IPO7: variants seen among roughly 807,000 people sequenced by gnomAD.
The protein encoded by IPO7 is importin 7, also known as importin-7.
A neutral mutation model predicts 136.4 loss-of-function variants in IPO7; 13 were observed. The observed-to-expected ratio is 0.10, with a 90% CI of 0.06 to 0.15. The LOEUF (loss-of-function observed/expected upper bound fraction) is 0.15. Ranked by LOEUF, IPO7 falls within the 10% of genes least tolerant of loss-of-function variation. The probability of loss-of-function intolerance (pLI) is 1.00; values close to 1 mark genes in which losing one functional copy is unlikely to be tolerated. For synonymous variants in IPO7, 403 were observed against 404.4 expected, an observed-to-expected ratio of 1.00 and a Z score of 0.04; for missense variants, 857 against 1,240.6, an observed-to-expected ratio of 0.69 and a Z score of 4.65.
chr11:9,444,603 G>A (rs1370451700), intron 24 of IPO7, among the ~76,000 whole-genome samples: 1 of 151,738 alleles, frequency 6.6e-6, no homozygotes, highest in Non-Finnish European at 1.5e-5. Flanking sequence ...GACTCCTGAG[G>A]CGGATGGATC....
chr11:9,395,485 T>C (rs1854695278), intron 1 of IPO7, among the ~76,000 whole-genome samples: 1 of 152,126 alleles, frequency 6.6e-6, no homozygotes, highest in South Asian at 2.1e-4. Context: ...GTGATCTGCC[T>C]GCCTTGGCCT....
chr11:9,394,306 A>G (rs1439743729), intron 1 of IPO7, among the ~76,000 whole-genome samples: 1 of 152,138 alleles, frequency 6.6e-6, no homozygotes, highest in Non-Finnish European at 1.5e-5. Context: ...GGGTGGCCAT[A>G]TTGGGAAATT....
chr11:9,434,082 C>T (rs958786221), intron 18 of IPO7, among the ~76,000 whole-genome samples: 7 of 152,084 alleles, frequency 4.6e-5, no homozygotes, highest in Non-Finnish European at 8.8e-5. Context: ...CGCCACCATG[C>T]CCGGCTAATT....
chr11:9,390,104 T>C (rs576884465), intron 1 of IPO7, among the ~76,000 whole-genome samples: 64 of 152,310 alleles, frequency 4.2e-4, no homozygotes, highest in African/African-American at 1.5e-3. Flanking sequence ...TTGGCCAGGC[T>C]GGTCTCGAAC....
At chr11:9,440,352 A>G (rs1238315758) in intron 22 of IPO7, 103 bp from the exon 23 acceptor site, 1 of 889,342 alleles carries the variant, frequency 1.1e-6, no homozygotes, top group Non-Finnish European at 1.8e-6. Flanking sequence ...CTCTCTTGTC[A>G]CTTGTGACTT....
At chr11:9,438,057 T>G (rs774527324) in intron 21 of IPO7, 23 bp from the exon 22 acceptor site, 55 of 493,062 alleles carry the variant, frequency 1.1e-4, no homozygotes, top group African/African-American at 3.0e-4. Context: ...TTTTTTTTTT[T>G]TTTTTTTTTT....
At chr11:9,432,166 A>C (rs1855303503) in intron 16 of IPO7, among the ~76,000 whole-genome samples, 1 of 151,732 alleles carries the variant, frequency 6.6e-6, no homozygotes, top group Non-Finnish European at 1.5e-5. Context: ...TGTTTTCTGC[A>C]AGTTGCCTTT....
rs1855516883 is a variant in IPO7 at position 9,445,556 on chromosome 11, T to G, written c.*362T>G. 1 of 173,870 alleles carries G rather than the reference T, an allele frequency of 5.8e-6. No homozygotes were observed. The highest frequency in any genetic ancestry group is 2.4e-5 in the African/African-American group (1 of 42,222). 10.8% of individuals were successfully genotyped at this position (173,870 alleles called of 1,614,324 possible). A position where few individuals can be genotyped will look rare whatever the true frequency, so the allele number is the denominator to read the frequency against. On this transcript the variant is annotated 3_prime_UTR_variant, in exon 25 of 25. Transcript: ENST00000379719. ...AAAAAATAGGCATGGGCTACAGGAC[T>G]ATTTAAAATGTCTCATTTACAGTAT...
intron 2 of IPO7, among the ~76,000 whole-genome samples, chr11:9,408,002 G>A (rs922216033): frequency 1.3e-5 from 2 of 152,162 alleles, no homozygotes; most frequent in Admixed American, 1.3e-4. Flanking sequence ...ATTTGAAGTG[G>A]TATGGGATTG....
In IPO7 at chr11:9,446,163, G is replaced by A. The variant is rs1462438926; in HGVS notation, c.*969G>A. On this transcript the variant is annotated 3_prime_UTR_variant, in exon 25 of 25. Transcript: ENST00000379719. ...GGATATAAAGTTCTGCTCTTAAAGA[G>A]TTGATCTAAGAGTATGGCTAAACAT... 1 of 152,162 alleles carries A rather than the reference G, an allele frequency of 6.6e-6. No homozygotes were observed. The highest frequency in any genetic ancestry group is 2.4e-5 in the African/African-American group (1 of 41,444). The allele number at this position is 152,162 out of a possible 1,614,324, so 9.4% of individuals were successfully genotyped here.
chr11:9,418,977 T>TATAG (rs1440057725), intron 6 of IPO7, among the ~76,000 whole-genome samples: 21 of 152,368 alleles, frequency 1.4e-4, no homozygotes, highest in African/African-American at 5.0e-4. Flanking sequence ...TATCCCATTG[T>TATAG]ATAGATATAT....
Position 9,437,771 on chromosome 11 carries a change from G to A in IPO7, c.2286G>A (p.Val762=). ...RGIDQCIPLF[V]EAALERLTRE... The stretch of plus-strand genomic sequence containing the variant: ...TTTTGTAGTGCATTCCCTTATTCGT[G>A]GAAGCAGCCTTAGAAAGACTGACAA... The change falls in exon 21 of 25, where the codon GTG becomes GTA. Residue 762 remains valine (V), a synonymous_variant. Transcript: ENST00000379719. 6.2e-7 allele frequency: 1 copy of A among 1,613,164 alleles called. No homozygotes were observed. The highest frequency in any genetic ancestry group is 8.5e-7 in the Non-Finnish European group (1 of 1,179,248).
At chr11:9,388,162 AAAAT>A (rs1248082196) in intron 1 of IPO7, among the ~76,000 whole-genome samples, 102 of 151,186 alleles carry the variant, frequency 6.7e-4, no homozygotes, top group South Asian at 1.9e-3. Context: ...AATAAAAATA[AAAAT>A]AAATAAATAA....
chr11:9,405,105 T>C (rs1237968640), intron 2 of IPO7, among the ~76,000 whole-genome samples: 1 of 152,142 alleles, frequency 6.6e-6, no homozygotes, highest in East Asian at 1.9e-4. Context: ...ATAGGAATTA[T>C]TATTATTATT....
intron 12 of IPO7, among the ~76,000 whole-genome samples, chr11:9,426,031 C>T (rs1382378561): frequency 6.6e-6 from 1 of 151,694 alleles, no homozygotes; most frequent in African/African-American, 2.4e-5. Context: ...CCAGTCCAGG[C>T]GACAGAGACT....
At chr11:9,390,079 C>T (rs373443460) in intron 1 of IPO7, among the ~76,000 whole-genome samples, 9 of 151,956 alleles carry the variant, frequency 5.9e-5, no homozygotes, top group African/African-American at 1.5e-4. Context: ...TTAGTAGAGA[C>T]GGGGTTTCGC....
chr11:9,390,185 C>T (rs1366505997), intron 1 of IPO7, among the ~76,000 whole-genome samples: 1 of 152,216 alleles, frequency 6.6e-6, no homozygotes, highest in Non-Finnish European at 1.5e-5. Context: ...GCCACCGTGC[C>T]CGGCCTAATG....
At chr11:9,421,817 G>A (rs980602671) in intron 8 of IPO7, among the ~76,000 whole-genome samples, 68 of 151,914 alleles carry the variant, frequency 4.5e-4, no homozygotes, top group African/African-American at 1.5e-3. Flanking sequence ...GGTGGCGGGC[G>A]CCTGTATTCC....
At chr11:9,400,447 C>T (rs1428901308) in intron 1 of IPO7, among the ~76,000 whole-genome samples, 1 of 151,538 alleles carries the variant, frequency 6.6e-6, no homozygotes, top group Non-Finnish European at 1.5e-5. Context: ...TTTCTGAGAC[C>T]TAATCTCGCT....
Sources: gnomAD v4.1 joint callset for allele counts (sites outside exome capture counted in the v4.1 genomes callset) on GRCh38, gnomAD v4.1.1 for gene constraint, MANE v1.5 for transcripts, NCBI Gene and HGNC (gene_info 2026-07-23, HGNC 2026-07-21) for gene names.